Variants in ROBO2 observed in about 807,000 individuals in gnomAD.
ROBO2 encodes the protein roundabout homolog 2.
Under a neutral mutation model 160.8 loss-of-function variants are expected in ROBO2, and 53 were observed. That is an observed-to-expected ratio of 0.33 (90% CI 0.26 to 0.41). The LOEUF (loss-of-function observed/expected upper bound fraction) is 0.41, where lower values mean the gene tolerates loss of function less well. ROBO2 is among the 10% of genes least tolerant of loss of function. The probability of loss-of-function intolerance (pLI) is 1.00; values close to 1 mark genes in which losing one functional copy is unlikely to be tolerated. For synonymous variants in ROBO2, 664 were observed against 611.7 expected, an observed-to-expected ratio of 1.09 and a Z score of -1.26; for missense variants, 1,577 against 1,722.4, an observed-to-expected ratio of 0.92 and a Z score of 1.49.
At chr3:77,166,660 G>C (rs1333853610) in intron 2 of ROBO2, among the ~76,000 whole-genome samples, 2 of 152,212 alleles carry the variant, frequency 1.3e-5, no homozygotes, top group Admixed American at 1.3e-4. Context: ...CCGGGTTCCC[G>C]CCATTCTCCT....
At chr3:76,229,902 C>T (rs1704516613) in intron 2 of ROBO2, among the ~76,000 whole-genome samples, 1 of 151,950 alleles carries the variant, frequency 6.6e-6, no homozygotes, top group Non-Finnish European at 1.5e-5. Flanking sequence ...AAGAAATGTC[C>T]CAACAGCACT....
At chr3:77,558,561 A>G (rs1050524732) in intron 9 of ROBO2, among the ~76,000 whole-genome samples, 6 of 152,096 alleles carry the variant, frequency 3.9e-5, no homozygotes, top group Non-Finnish European at 5.9e-5. Context: ...TAGAAGAAAA[A>G]TAAAGAGATG....
Position 77,481,022 on chromosome 3 carries a change from C to T in ROBO2, c.547-77C>T, listed in dbSNP as rs2084626672. ...AACAAATATGCTCAAATACTCAAAA[C>T]TATTTATTAATGACCTTTATTTTCT... On this transcript the variant is annotated intron_variant, in intron 3 of 25. Transcript: ENST00000461745. The T allele has an allele frequency of 3.9e-6, 5 of 1,289,318 alleles. No individual in the cohort carries two copies. The South Asian group carries it at 6.0e-5, about 16-fold the overall frequency. The allele number at this position is 1,289,318 out of a possible 1,614,324, so 79.9% of individuals were successfully genotyped here.
At position 76,216,204 on chromosome 3, in the gene ROBO2, A is replaced by T. The variant is rs571433501; in HGVS notation, c.109+278602A>T. On this transcript the variant is annotated intron_variant, in intron 2 of 26. Transcript: ENST00000487694. ...ACAACTGGTAAAAGCCACTACAAAA[A>T]CATGCCAAATTGTAAAGATCGTCGA... Among the ~76,000 whole-genome samples the T allele has an allele frequency of 9.8e-5, 15 of 152,316 alleles. No individual in the cohort carries two copies. In the South Asian group the frequency reaches 2.9e-3, roughly 29 times the overall value.
rs1239390131 is a variant in ROBO2 at position 76,664,711 on chromosome 3, A to G, written c.110-433303A>G. On this transcript the variant is annotated intron_variant, in intron 2 of 26. Coordinates refer to the ROBO2 transcript ENST00000487694. ...ATGAGTCTTATTTTTCTTTAAACAT[A>G]CCATTCTCAACTTCCCATGCATTGC... is the stretch of plus-strand genomic sequence containing the variant. 4.6e-5 allele frequency among the ~76,000 whole-genome samples: 7 copies of G among 152,310 alleles called. No homozygotes were observed. The East Asian group carries it at 1.4e-3, about 29-fold the overall frequency.
rs1219516966 is a variant in ROBO2 at position 77,296,005 on chromosome 3, G to GT, written c.389-181409_389-181408insT. Among the ~76,000 whole-genome samples the GT allele has an allele frequency of 1.2e-3, 164 of 139,818 alleles. 2 individuals carry two copies. Among genetic ancestry groups the GT allele is most frequent in the African/African-American group, 4.8e-3 (152 of 31,926 alleles). The allele number at this position is 139,818 out of a possible 152,430, so 91.7% of individuals were successfully genotyped here. A position where few individuals can be genotyped will look rare whatever the true frequency, so the allele number is the denominator to read the frequency against. ...TAAAGTAAAATTGATGGTTAAACGG[G>GT]AAGTTGAGGCTAGAACAGTAAAGAC... On this transcript the variant is annotated intron_variant, in intron 2 of 25. Coordinates refer to ENST00000461745, the Ensembl canonical transcript of ROBO2.
At chr3:76,461,543 C>A (rs751613680) in intron 2 of ROBO2, among the ~76,000 whole-genome samples, 2 of 152,044 alleles carry the variant, frequency 1.3e-5, no homozygotes, top group Non-Finnish European at 2.9e-5. Flanking sequence ...AAGCTTTAAA[C>A]CTTTAGAATA....
intron 2 of ROBO2, among the ~76,000 whole-genome samples, chr3:76,165,404 G>A (rs1010345742): frequency 1.3e-5 from 2 of 151,974 alleles, no homozygotes; most frequent in African/African-American, 4.8e-5. Flanking sequence ...TGAAGAGAGG[G>A]CCTTGCTCTG....
chr3:76,260,939 A>G (rs1325559868), intron 2 of ROBO2, among the ~76,000 whole-genome samples: 2 of 152,096 alleles, frequency 1.3e-5, no homozygotes, highest in Non-Finnish European at 2.9e-5. Context: ...TTCATAAAAT[A>G]GGATATAAGG....
intron 2 of ROBO2, among the ~76,000 whole-genome samples, chr3:77,291,562 A>C (rs2061262404): frequency 6.7e-6 from 1 of 150,242 alleles, no homozygotes; most frequent in Non-Finnish European, 1.5e-5. Context: ...ATAAAGTAAA[A>C]TTGATGGTTA....
At chr3:77,640,304 G>T (rs1036783388) in intron 24 of ROBO2, among the ~76,000 whole-genome samples, 1 of 151,948 alleles carries the variant, frequency 6.6e-6, no homozygotes, top group African/African-American at 2.4e-5. Flanking sequence ...TAGTAGAGAC[G>T]GGGTTTCACT....
At chr3:77,154,981 A>C (rs1483379493) in intron 2 of ROBO2, among the ~76,000 whole-genome samples, 2 of 151,976 alleles carry the variant, frequency 1.3e-5, no homozygotes, top group South Asian at 4.1e-4. Context: ...CAGTGTACTC[A>C]GTTAACAAAC....
chr3:76,046,595 C>T (rs112849257), intron 2 of ROBO2, among the ~76,000 whole-genome samples: 3,805 of 151,970 alleles, frequency 0.025, 189 homozygotes, highest in African/African-American at 0.08. Flanking sequence ...TTGCAGTGAG[C>T]CGAGATCGCG....
intron 2 of ROBO2, among the ~76,000 whole-genome samples, chr3:76,374,496 C>CA (rs1410919694): frequency 6.6e-6 from 1 of 151,820 alleles, no homozygotes; most frequent in African/African-American, 2.4e-5. Flanking sequence ...GTTCTCTAAA[C>CA]AAAAAATAGT....
At chr3:77,370,123 A>C (rs2071518147) in intron 2 of ROBO2, among the ~76,000 whole-genome samples, 1 of 152,190 alleles carries the variant, frequency 6.6e-6, no homozygotes. Context: ...TTATAACAAA[A>C]GTGTGATGGT....
chr3:76,776,734 G>A (rs1239852843), intron 2 of ROBO2, among the ~76,000 whole-genome samples: 1 of 150,878 alleles, frequency 6.6e-6, no homozygotes, highest in Admixed American at 6.6e-5. Flanking sequence ...AGCACATATA[G>A]CAGAGATACA....
intron 2 of ROBO2, among the ~76,000 whole-genome samples, chr3:76,948,894 ATATATATATATATAT>A: frequency 7.5e-5 from 2 of 26,718 alleles, no homozygotes; most frequent in East Asian, 1.5e-3. Flanking sequence ...ATATATATAT[ATATATATATATATAT>A]TTTTTTTTTT....
chr3:76,817,567 G>A (rs975444136), intron 2 of ROBO2, among the ~76,000 whole-genome samples: 1 of 151,946 alleles, frequency 6.6e-6, no homozygotes, highest in Non-Finnish European at 1.5e-5. Flanking sequence ...TTTTGGTGGT[G>A]ATTTCTGAGA....
At chr3:77,215,433 G>T (rs552133675) in intron 2 of ROBO2, among the ~76,000 whole-genome samples, 172 of 152,204 alleles carry the variant, frequency 1.1e-3, no homozygotes, top group African/African-American at 3.9e-3. Context: ...AGCTCCATCA[G>T]GTCCTTTAAG....
Sources: gnomAD v4.1 joint callset for allele counts (sites outside exome capture counted in the v4.1 genomes callset) on GRCh38, gnomAD v4.1.1 for gene constraint, MANE v1.5 for transcripts, NCBI Gene and HGNC (gene_info 2026-07-23, HGNC 2026-07-21) for gene names.